The following ZPR1 variants were observed in gnomAD, a reference collection of about 807,000 sequenced individuals.
The protein encoded by ZPR1 is ZPR1 zinc finger, also known as zinc finger protein ZPR1.
A neutral mutation model predicts 59.6 loss-of-function variants in ZPR1; 37 were observed. The observed-to-expected ratio is 0.62, with a 90% CI of 0.48 to 0.82. ZPR1 has a LOEUF of 0.82. ZPR1 is among the 40% of genes least tolerant of loss of function. The pLI, the probability that ZPR1 is intolerant of heterozygous loss-of-function variation, is 0.00. For synonymous variants in ZPR1, 191 were observed against 215.2 expected (o/e 0.89, Z 0.99); for missense variants, 527 against 579.9 (o/e 0.91, Z 0.94).
intron 1 of ZPR1, 22 bp from the exon 2 acceptor site, chr11:116,787,665 A>G: frequency 6.2e-6 from 10 of 1,600,102 alleles, no homozygotes; most frequent in Non-Finnish European, 8.6e-6. Flanking sequence ...GAAAGTAGCT[A>G]AGGAAAAAAA....
Position 116,778,907 on chromosome 11 carries a change from C to A in ZPR1, c.*18G>T, listed in dbSNP as rs886865264. Reference sequence around the variant, plus strand: ...CAGAAAGAGCAGCGCTGGAGGCTGGCCCTTGAGCCACCCACTGCTACCGTT... The same window carrying A: ...CAGAAAGAGCAGCGCTGGAGGCTGGACCTTGAGCCACCCACTGCTACCGTT... On this transcript the variant is annotated 3_prime_UTR_variant, in exon 14 of 14. Coordinates refer to ENST00000227322, the MANE Select transcript of ZPR1 (RefSeq NM_003904.5). 1 of 1,612,320 alleles carries A rather than the reference C, an allele frequency of 6.2e-7. No individual in the cohort carries two copies.
chr11:116,786,590 C>A lies in ZPR1; in HGVS notation c.425-9G>T. On this transcript the variant is annotated splice_polypyrimidine_tract_variant and intron_variant, in intron 3 of 13. Transcript: ENST00000227322. Reference sequence around the variant, plus strand: ...TTCAACAGTGGTCAGAGCTTGTGAACAAGAACAAAAGACAAGTGTGACTTA... The same window carrying A: ...TTCAACAGTGGTCAGAGCTTGTGAAAAAGAACAAAAGACAAGTGTGACTTA... 1 of 1,613,728 alleles carries A rather than the reference C, an allele frequency of 6.2e-7. No individual in the cohort carries two copies. Among genetic ancestry groups the A allele is most frequent in the Non-Finnish European group, 8.5e-7 (1 of 1,179,676 alleles).
intron 9 of ZPR1, among the ~76,000 whole-genome samples, chr11:116,784,076 A>G (rs534914212): frequency 6.6e-6 from 1 of 152,300 alleles, no homozygotes; most frequent in Non-Finnish European, 1.5e-5. Context: ...TGAGTTCTTC[A>G]TTGTGAAGTC....
At chr11:116,783,253 A>C (rs910155880) in intron 10 of ZPR1, among the ~76,000 whole-genome samples, 1 of 152,228 alleles carries the variant, frequency 6.6e-6, no homozygotes, top group Admixed American at 6.5e-5. Context: ...TCGAGCTGTC[A>C]GGTATCCTGT....
Position 116,786,955 on chromosome 11 carries a change from G to A in ZPR1, c.424+14C>T. 6.2e-7 allele frequency: 1 copy of A among 1,609,102 alleles called. No individual in the cohort carries two copies. Reference sequence around the variant, plus strand: ...TACATGCGAACAGCCCAAATACTCTGATCTTAAACTTACCTCCTTTCTGGC... The same window carrying A: ...TACATGCGAACAGCCCAAATACTCTAATCTTAAACTTACCTCCTTTCTGGC... On this transcript the variant is annotated intron_variant, in intron 3 of 13. Coordinates refer to ENST00000227322, the MANE Select transcript of ZPR1 (RefSeq NM_003904.5).
rs1309673124 is a variant in ZPR1, at chr11:116,785,634, G to A, written c.585C>T (p.Ile195=). The A allele has an allele frequency of 6.2e-7, 1 of 1,614,074 alleles. No homozygotes were observed. Among genetic ancestry groups the A allele is most frequent in the Admixed American group, 1.7e-5 (1 of 60,020 alleles). ...AACTGTTCCCTGAGGGATCATCAAT[G>A]ATCTAACAAATGGGAGAAGAGAGAG... ...LKQVASPFTL[I]IDDPSGNSFV... is the part of the protein sequence containing the mutation. Residue 195 remains isoleucine (I), a splice_region_variant and synonymous_variant, in exon 6 of 14, where the codon ATC becomes ATT. Transcript: ENST00000227322.
chr11:116,780,044 A>T (rs1940783303), intron 12 of ZPR1, among the ~76,000 whole-genome samples: 1 of 151,398 alleles, frequency 6.6e-6, no homozygotes, highest in Non-Finnish European at 1.5e-5. Context: ...TAAGTATAAT[A>T]AATATATATA....
chr11:116,787,078 G>T lies in ZPR1; in HGVS notation c.334-19C>A. 1.9e-6 allele frequency: 3 copies of T among 1,601,528 alleles called. No individual in the cohort carries two copies. In the South Asian group the frequency reaches 3.3e-5, roughly 18 times the overall value. ...TCATGTCCTGGGAAGAAAAGAATAC[G>T]TTCAGTACAAAGAGACTGCAGAACA... On this transcript the variant is annotated intron_variant, in intron 2 of 13. Transcript: ENST00000227322.
chr11:116,778,780 C>T lies in ZPR1; in HGVS notation c.*145G>A. ...TCACAAGCTGTTTAGAAAGTGTGCA[C>T]AGATCTCTGACTCAGACCAGATGTC... On this transcript the variant is annotated 3_prime_UTR_variant, in exon 14 of 14. Coordinates refer to ENST00000227322, the MANE Select transcript of ZPR1 (RefSeq NM_003904.5). 2.0e-6 allele frequency: 2 copies of T among 1,016,726 alleles called. No individual in the cohort carries two copies. Among genetic ancestry groups the T allele is most frequent in the East Asian group, 5.2e-5 (2 of 38,502 alleles). 63.0% of individuals were successfully genotyped at this position (1,016,726 alleles called of 1,614,324 possible).
intron 12 of ZPR1, 139 bp downstream of exon 12, chr11:116,782,019 A>C: frequency 1.5e-6 from 1 of 665,672 alleles, no homozygotes; most frequent in East Asian, 2.8e-5. Flanking sequence ...CTCCAAAAAA[A>C]AAAAAAAGAA....
At chr11:116,779,591 T>TAA (rs36064778) in intron 13 of ZPR1, among the ~76,000 whole-genome samples, 181 bp downstream of exon 13, 9 of 148,864 alleles carry the variant, frequency 6.0e-5, no homozygotes, top group African/African-American at 2.2e-4. Context: ...TACATACACT[T>TAA]AAAAAAAAAA....
chr11:116,784,469 A>T, intron 8 of ZPR1, 21 bp from the exon 9 acceptor site: 1 of 1,612,278 alleles, frequency 6.2e-7, no homozygotes. Flanking sequence ...GAGTTAAGGA[A>T]ATCTACTTCC....
chr11:116,784,807 C>A (rs1940859333), intron 8 of ZPR1, 48 bp downstream of exon 8: 1 of 1,589,560 alleles, frequency 6.3e-7, no homozygotes, highest in East Asian at 2.2e-5. Flanking sequence ...TTATAATCTT[C>A]ATGCCTGAGT....
chr11:116,783,643 A>G, intron 9 of ZPR1, 24 bp from the exon 10 acceptor site: 2 of 1,602,562 alleles, frequency 1.2e-6, no homozygotes, highest in East Asian at 2.2e-5. Flanking sequence ...AGTCAGGAGC[A>G]ACAGAGAGAA....
In ZPR1 at chr11:116,787,975, C is replaced by T; in HGVS notation, c.16G>A (p.Ala6Thr). The change falls in exon 1 of 14, where the codon GCT becomes ACT. Residue 6 changes from alanine (A) to threonine (T), a missense_variant. Ala to Thr is a moderately conservative substitution (Grantham distance 58, BLOSUM62 0). Coordinates refer to ENST00000227322, the MANE Select transcript of ZPR1 (RefSeq NM_003904.5). MAASGAVEPGPPGAAV... is the reference protein window; with the variant it reads MAASGTVEPGPPGAAV... The stretch of plus-strand genomic sequence containing the variant: ...GCCCCCGGGGGCCCTGGTTCCACAG[C>T]CCCGCTGGCCGCCATGGCCACCACG... 2 of 1,430,312 alleles carry T rather than the reference C, an allele frequency of 1.4e-6. No individual in the cohort carries two copies. Among genetic ancestry groups the T allele is most frequent in the Non-Finnish European group, 1.8e-6 (2 of 1,104,682 alleles). The allele number at this position is 1,430,312 out of a possible 1,614,324, so 88.6% of individuals were successfully genotyped here.
Position 116,779,055 on chromosome 11 carries a change from A to G in ZPR1, c.1250T>C (p.Val417Ala). Reference protein sequence around the residue: ...DPAGNSYLQNVYAPEDDPEMK... With the variant: ...DPAGNSYLQNAYAPEDDPEMK... Reference sequence around the variant, plus strand: ...CTCAGGATCATCTTCAGGCGCATACACATTCTGCAAGGTCAAGGAGAGACA... The same window carrying G: ...CTCAGGATCATCTTCAGGCGCATACGCATTCTGCAAGGTCAAGGAGAGACA... Residue 417 changes from valine (V) to alanine (A), a missense_variant, in exon 14 of 14, where the codon GTG becomes GCG. Coordinates refer to ENST00000227322, the MANE Select transcript of ZPR1 (RefSeq NM_003904.5). 1 of 1,614,020 alleles carries G rather than the reference A, an allele frequency of 6.2e-7. No individual in the cohort carries two copies. The highest frequency in any genetic ancestry group is 8.5e-7 in the Non-Finnish European group (1 of 1,179,978).
chr11:116,783,097 C>T (rs1940833180), intron 10 of ZPR1, 68 bp from the exon 11 acceptor site: 2 of 1,129,876 alleles, frequency 1.8e-6, no homozygotes, highest in African/African-American at 1.5e-5. Flanking sequence ...GGCCTCCTGC[C>T]CAATTAATAC....
Position 116,786,557 on chromosome 11 carries a change from A to G in ZPR1, c.449T>C (p.Ile150Thr), listed in dbSNP as rs1329701792. Residue 150 changes from isoleucine to threonine, a missense_variant, in exon 4 of 14, where the codon ATC becomes ACC. Coordinates refer to ENST00000227322, the MANE Select transcript of ZPR1 (RefSeq NM_003904.5). The stretch of plus-strand genomic sequence containing the variant: ...CTCCAGGCCAGAGATAGCACGGGTG[A>G]TCAATCCTTCAACAGTGGTCAGAGC... ...KGALTTVEGLITRAISGLEQD... is the reference protein window; with the variant it reads ...KGALTTVEGLTTRAISGLEQD... The G allele has an allele frequency of 4.3e-6, 7 of 1,614,212 alleles. No individual in the cohort carries two copies. Among genetic ancestry groups the G allele is most frequent in the Non-Finnish European group, 5.9e-6 (7 of 1,180,028 alleles).
intron 6 of ZPR1, 150 bp from the exon 7 acceptor site, chr11:116,785,296 C>T: frequency 9.0e-6 from 10 of 1,114,304 alleles, no homozygotes; most frequent in African/African-American, 1.5e-5. Flanking sequence ...AAGTAAAGCC[C>T]CAACCAAAGG....
Sources: allele counts gnomAD v4.1 joint callset (sites outside exome capture counted in the v4.1 genomes callset), GRCh38; gene constraint gnomAD v4.1.1; transcripts MANE v1.5; gene names NCBI Gene and HGNC (gene_info 2026-07-23, HGNC 2026-07-21).